Variants in MYO5C observed in about 807,000 individuals in gnomAD.
MYO5C encodes the protein myosin VC.
Under a neutral mutation model 235.7 loss-of-function variants are expected in MYO5C, and 194 were observed. The observed-to-expected ratio is 0.82, with a 90% CI of 0.73 to 0.93. The LOEUF is 0.93. Ranked by LOEUF, MYO5C falls within the 40% of genes least tolerant of loss-of-function variation. The pLI, the probability that MYO5C is intolerant of heterozygous loss-of-function variation, is 0.00. For synonymous variants in MYO5C, 707 were observed against 754.8 expected, an observed-to-expected ratio of 0.94 and a Z score of 1.04; for missense variants, 2,038 against 2,127.2, an observed-to-expected ratio of 0.96 and a Z score of 0.82.
intron 35 of MYO5C, among the ~76,000 whole-genome samples, chr15:52,211,002 T>C (rs1279638850): frequency 2.6e-5 from 4 of 152,208 alleles, no homozygotes; most frequent in Non-Finnish European, 5.9e-5. Flanking sequence ...ACATGGTCTG[T>C]GTCCTATGGT....
intron 8 of MYO5C, among the ~76,000 whole-genome samples, chr15:52,269,295 A>T (rs2036870950): frequency 6.6e-6 from 1 of 152,052 alleles, no homozygotes; most frequent in African/African-American, 2.4e-5. Flanking sequence ...TTGACCACTT[A>T]GTCTCCAAAT....
At chr15:52,284,139 T>A (rs1418156552) in intron 1 of MYO5C, among the ~76,000 whole-genome samples, 3 of 151,840 alleles carry the variant, frequency 2.0e-5, no homozygotes, top group African/African-American at 7.3e-5. Context: ...AATTCTGTGA[T>A]ATGGGACATA....
Position 52,247,479 on chromosome 15 carries a change from G to C in MYO5C, c.1860C>G (p.Phe620Leu). The part of the protein sequence containing the change: ...KQVIKPNSKH[F>L]RTTVGSKFRS... ...GTACCTTGCTCCCAACTGTGGTCCG[G>C]AAATGCTTGCTGTTTGGCTTGATGA... The change falls in exon 15 of 41, where the codon TTC becomes TTG. Residue 620 changes from phenylalanine to leucine, a missense_variant. Coordinates refer to ENST00000261839, the MANE Select transcript of MYO5C (RefSeq NM_018728.4). 6.2e-7 allele frequency: 1 copy of C among 1,614,136 alleles called. No individual in the cohort carries two copies. Among genetic ancestry groups the C allele is most frequent in the Non-Finnish European group, 8.5e-7 (1 of 1,180,000 alleles).
At position 52,239,732 on chromosome 15, in the gene MYO5C, C is replaced by T. The variant is rs372827494; in HGVS notation, c.2703+1G>A. On this transcript the variant is annotated splice_donor_variant, in intron 21 of 40. Coordinates refer to ENST00000261839, the MANE Select transcript of MYO5C (RefSeq NM_018728.4). LOFTEE classifies it high-confidence loss of function. ...GTAAAAGATGCACTATGAGCACCTA[C>T]CTGATCTTCCAACTTTTTCTGCAAA... 1.4e-5 allele frequency: 23 copies of T among 1,597,450 alleles called. No individual in the cohort carries two copies. The African/African-American group carries it at 3.1e-4, about 21-fold the overall frequency.
chr15:52,207,020 C>A (rs1375400991), intron 36 of MYO5C, among the ~76,000 whole-genome samples: 1 of 151,946 alleles, frequency 6.6e-6, no homozygotes, highest in Non-Finnish European at 1.5e-5. Context: ...GTAGCCACAG[C>A]TACTCAGGAG....
chr15:52,255,949 G>A (rs1339474890), intron 11 of MYO5C, among the ~76,000 whole-genome samples: 2 of 152,144 alleles, frequency 1.3e-5, no homozygotes, highest in African/African-American at 4.8e-5. Context: ...CTTATTGTTA[G>A]TTAGGAAGGT....
At chr15:52,248,481 C>T (rs991315710) in intron 14 of MYO5C, among the ~76,000 whole-genome samples, 1 of 152,124 alleles carries the variant, frequency 6.6e-6, no homozygotes, top group African/African-American at 2.4e-5. Flanking sequence ...ATTAGCTGTC[C>T]TTCCTGTCAT....
At chr15:52,270,861 C>T (rs2036909534) in intron 7 of MYO5C, among the ~76,000 whole-genome samples, 1 of 152,000 alleles carries the variant, frequency 6.6e-6, no homozygotes, top group Non-Finnish European at 1.5e-5. Context: ...GCAACTTCTC[C>T]AAAATTAGAG....
intron 1 of MYO5C, among the ~76,000 whole-genome samples, chr15:52,290,759 T>A (rs1364518071): frequency 1.3e-5 from 2 of 152,126 alleles, no homozygotes; most frequent in African/African-American, 4.8e-5. Flanking sequence ...AAATGATTGA[T>A]TAGCTAAAGA....
chr15:52,239,829 C>T lies in MYO5C; in HGVS notation c.2607G>A (p.Trp869Ter). 5.0e-6 allele frequency: 8 copies of T among 1,613,816 alleles called. No homozygotes were observed. The highest frequency in any genetic ancestry group is 6.8e-6 in the Non-Finnish European group (8 of 1,179,832). The change falls in exon 21 of 41, where the codon TGG (tryptophan) becomes TGA (stop). Residue 869 changes from tryptophan to a stop codon, truncating the protein, a stop_gained. Transcript: ENST00000261839. LOFTEE classifies it high-confidence loss of function. ...AVILQKYARA[W>*]LARRRFQSIR... is the part of the protein sequence containing the mutation. ...TACTCTGGAATCTGCGTCTGGCCAG[C>T]CACGCCCGTGCGTATTTCTGTAGGA...
At position 52,295,725 on chromosome 15, in the gene MYO5C, G is replaced by T; in HGVS notation, c.-89C>A. ...CGCCGCAGAGGCCGGGCGCAGGAGAGACCGCCGCGGAAATCACCGCCGGGC... is the reference window on the plus strand; with the variant it reads ...CGCCGCAGAGGCCGGGCGCAGGAGATACCGCCGCGGAAATCACCGCCGGGC... On this transcript the variant is annotated 5_prime_UTR_variant, in exon 1 of 41. Transcript: ENST00000261839. 1 of 907,360 alleles carries T rather than the reference G, an allele frequency of 1.1e-6. No individual in the cohort carries two copies. The allele number at this position is 907,360 out of a possible 1,614,324, so 56.2% of individuals were successfully genotyped here. A position where few individuals can be genotyped will look rare whatever the true frequency, so the allele number is the denominator to read the frequency against.
intron 38 of MYO5C, among the ~76,000 whole-genome samples, chr15:52,200,714 A>G (rs1174930665): frequency 5.3e-5 from 8 of 152,174 alleles, no homozygotes; most frequent in Non-Finnish European, 1.2e-4. Flanking sequence ...GTCAACACTG[A>G]GATGACACAG....
chr15:52,228,328 G>C (rs756148970), intron 25 of MYO5C, among the ~76,000 whole-genome samples: 6 of 152,130 alleles, frequency 3.9e-5, no homozygotes, highest in Non-Finnish European at 7.4e-5. Flanking sequence ...ATTTTTAGTA[G>C]AGACAGGGTT....
chr15:52,218,269 G>C (rs1254762797), intron 32 of MYO5C, among the ~76,000 whole-genome samples: 1 of 152,182 alleles, frequency 6.6e-6, no homozygotes, highest in Non-Finnish European at 1.5e-5. Flanking sequence ...CACTGATAGT[G>C]CTGGGGAACT....
chr15:52,199,662 C>T (rs533808305), intron 38 of MYO5C, among the ~76,000 whole-genome samples: 1 of 152,236 alleles, frequency 6.6e-6, no homozygotes, highest in South Asian at 2.1e-4. Context: ...TGCTCAATGC[C>T]CTACCTTTTC....
At chr15:52,274,917 A>T (rs1469958609) in intron 5 of MYO5C, among the ~76,000 whole-genome samples, 1 of 152,240 alleles carries the variant, frequency 6.6e-6, no homozygotes, top group Non-Finnish European at 1.5e-5. Flanking sequence ...AATTCAAATC[A>T]ATCCTCTTCC....
At chr15:52,217,086 A>T (rs2035572045) in intron 32 of MYO5C, among the ~76,000 whole-genome samples, 1 of 152,200 alleles carries the variant, frequency 6.6e-6, no homozygotes, top group Non-Finnish European at 1.5e-5. Flanking sequence ...GTTTGTGGTC[A>T]TTTGTTACAG....
rs1051524482 is a variant in MYO5C at position 52,193,329 on chromosome 15, A to G, written c.*573T>C. 3 of 152,110 alleles carry G rather than the reference A, an allele frequency of 2.0e-5. No homozygotes were observed. Among genetic ancestry groups the G allele is most frequent in the Admixed American group, 6.6e-5 (1 of 15,264 alleles). 9.4% of individuals were successfully genotyped at this position (152,110 alleles called of 1,614,324 possible). Reference sequence around the variant, plus strand: ...TCCGGAGTCTCAAAAAAAAAAAAAAAAAAAAATTTAGAAGGGTCTAAAATA... The same window carrying G: ...TCCGGAGTCTCAAAAAAAAAAAAAAGAAAAAATTTAGAAGGGTCTAAAATA... On this transcript the variant is annotated 3_prime_UTR_variant, in exon 41 of 41. Coordinates refer to ENST00000261839, the MANE Select transcript of MYO5C (RefSeq NM_018728.4).
intron 1 of MYO5C, among the ~76,000 whole-genome samples, chr15:52,283,680 T>C (rs1357150170): frequency 1.4e-5 from 2 of 145,004 alleles, no homozygotes; most frequent in East Asian, 4.3e-4. Flanking sequence ...CCCAATAGGA[T>C]TTTTTTTTTT....
Sources: allele counts gnomAD v4.1 joint callset (sites outside exome capture counted in the v4.1 genomes callset), GRCh38; gene constraint gnomAD v4.1.1; transcripts MANE v1.5; gene names NCBI Gene and HGNC (gene_info 2026-07-23, HGNC 2026-07-21).